The following DLG2 variants were observed in gnomAD, a reference collection of about 807,000 sequenced individuals.
DLG2 encodes the protein discs large MAGUK scaffold protein 2.
Under a neutral mutation model 132.5 loss-of-function variants are expected in DLG2, and 45 were observed. The observed-to-expected ratio is 0.34, with a 90% confidence interval of 0.27 to 0.44. DLG2 has a LOEUF of 0.44. DLG2 is among the 20% of genes least tolerant of loss of function. The pLI, the probability that DLG2 is intolerant of heterozygous loss-of-function variation, is 1.00. For missense variants in DLG2, 1,045 were observed against 1,196.9 expected, an observed-to-expected ratio of 0.87 and a Z score of 1.87; for synonymous variants, 424 against 419.6, an observed-to-expected ratio of 1.01 and a Z score of -0.13.
At chr11:83,905,455 T>C (rs1256081971) in intron 15 of DLG2, among the ~76,000 whole-genome samples, 1 of 152,160 alleles carries the variant, frequency 6.6e-6, no homozygotes, top group African/African-American at 2.4e-5. Flanking sequence ...TCACAATTTA[T>C]GTTAATTGTA....
At chr11:84,516,676 T>C (rs2099274195) in intron 7 of DLG2, among the ~76,000 whole-genome samples, 1 of 151,376 alleles carries the variant, frequency 6.6e-6, no homozygotes, top group Non-Finnish European at 1.5e-5. Flanking sequence ...TTCCAAAAAA[T>C]TGAAGAGGAG....
At chr11:83,603,489 C>T (rs2058877269) in intron 19 of DLG2, among the ~76,000 whole-genome samples, 1 of 152,018 alleles carries the variant, frequency 6.6e-6, no homozygotes, top group Non-Finnish European at 1.5e-5. Flanking sequence ...TCTTCTATCC[C>T]TGTATACAAA....
At chr11:85,031,947 CTT>C (rs11389028) in intron 6 of DLG2, among the ~76,000 whole-genome samples, 34 of 51,842 alleles carry the variant, frequency 6.6e-4, no homozygotes, top group African/African-American at 2.4e-3. Context: ...TGACAACTGG[CTT>C]TTTTTTTTTT....
At chr11:83,695,230 T>C (rs1458134466) in intron 18 of DLG2, among the ~76,000 whole-genome samples, 3 of 152,230 alleles carry the variant, frequency 2.0e-5, no homozygotes, top group Admixed American at 2.0e-4. Flanking sequence ...ATCTATTATA[T>C]GCCTGACCTA....
At chr11:83,641,200 T>C (rs1052670495) in intron 18 of DLG2, among the ~76,000 whole-genome samples, 2 of 152,166 alleles carry the variant, frequency 1.3e-5, no homozygotes, top group Admixed American at 1.3e-4. Flanking sequence ...GAGGGGAAGA[T>C]GTAAGTCTTA....
At chr11:84,080,398 T>C (rs17561231) in intron 10 of DLG2, among the ~76,000 whole-genome samples, 5,298 of 152,250 alleles carry the variant, frequency 0.035, 142 homozygotes, top group Non-Finnish European at 0.055. Context: ...TATTCTTTTC[T>C]AAGTCAGGTT....
intron 6 of DLG2, among the ~76,000 whole-genome samples, chr11:84,574,855 G>A (rs2099495356): frequency 6.6e-6 from 1 of 152,078 alleles, no homozygotes; most frequent in Admixed American, 6.6e-5. Flanking sequence ...AGAGACCTGG[G>A]CATTATCTGA....
intron 18 of DLG2, among the ~76,000 whole-genome samples, chr11:83,686,237 C>T (rs2079735750): frequency 6.6e-6 from 1 of 152,102 alleles, no homozygotes; most frequent in Non-Finnish European, 1.5e-5. Context: ...CCTTTCACTG[C>T]AGCCAGAATT....
intron 9 of DLG2, among the ~76,000 whole-genome samples, chr11:84,100,897 T>C (rs748567601): frequency 9.2e-5 from 14 of 152,148 alleles, no homozygotes; most frequent in East Asian, 3.8e-4. Context: ...GTTTTTACAA[T>C]TGTATATTTA....
chr11:84,878,759 C>A (rs2086818443), intron 6 of DLG2, among the ~76,000 whole-genome samples: 1 of 152,080 alleles, frequency 6.6e-6, no homozygotes, highest in Non-Finnish European at 1.5e-5. Context: ...GGAAACAGAT[C>A]TTCTCTAACA....
At chr11:84,831,464 T>A (rs2079048867) in intron 6 of DLG2, among the ~76,000 whole-genome samples, 1 of 151,362 alleles carries the variant, frequency 6.6e-6, no homozygotes, top group Non-Finnish European at 1.5e-5. Context: ...TAAAGGAGAG[T>A]ATAACAATTC....
intron 11 of DLG2, among the ~76,000 whole-genome samples, chr11:84,034,878 A>G (rs1199372050): frequency 1.3e-5 from 2 of 152,144 alleles, no homozygotes; most frequent in East Asian, 3.9e-4. Context: ...TTGCAGATTG[A>G]CCTTAAATGA....
chr11:85,039,493 G>T (rs577955999), intron 6 of DLG2, among the ~76,000 whole-genome samples: 4 of 151,754 alleles, frequency 2.6e-5, no homozygotes, highest in Non-Finnish European at 5.9e-5. Flanking sequence ...AGGTTACTTG[G>T]CATTTCTGAG....
At chr11:84,036,897 A>G (rs559800673) in intron 11 of DLG2, among the ~76,000 whole-genome samples, 17 of 152,244 alleles carry the variant, frequency 1.1e-4, no homozygotes, top group Admixed American at 4.6e-4. Flanking sequence ...TGTGTTGCCA[A>G]ACATTCAACT....
At chr11:84,706,323 T>C (rs563753182) in intron 6 of DLG2, among the ~76,000 whole-genome samples, 5 of 151,898 alleles carry the variant, frequency 3.3e-5, no homozygotes, top group South Asian at 4.1e-4. Context: ...AGAGAGTGCT[T>C]TGGGGGCTCT....
At chr11:83,975,409 T>A (rs1258611335) in intron 12 of DLG2, among the ~76,000 whole-genome samples, 3 of 152,010 alleles carry the variant, frequency 2.0e-5, no homozygotes, top group East Asian at 1.9e-4. Flanking sequence ...AGGAAATTTT[T>A]AAAAATATTA....
chr11:84,478,251 G>A (rs1175870029), intron 7 of DLG2, among the ~76,000 whole-genome samples: 3 of 152,116 alleles, frequency 2.0e-5, no homozygotes, highest in Non-Finnish European at 2.9e-5. Context: ...TTATATAAAT[G>A]AGATGATACT....
chr11:83,491,913 C>T (rs2138271117), intron 21 of DLG2, among the ~76,000 whole-genome samples: 1 of 152,124 alleles, frequency 6.6e-6, no homozygotes, highest in East Asian at 1.9e-4. Context: ...AATATCGTAA[C>T]ATCATCTACA....
At chr11:83,561,437 G>C (rs2096608276) in intron 19 of DLG2, among the ~76,000 whole-genome samples, 1 of 152,166 alleles carries the variant, frequency 6.6e-6, no homozygotes, top group South Asian at 2.1e-4. Context: ...TGGACCTTCA[G>C]ATCCTGGCAC....
Sources: gnomAD v4.1 joint callset for allele counts (sites outside exome capture counted in the v4.1 genomes callset) on GRCh38, gnomAD v4.1.1 for gene constraint, MANE v1.5 for transcripts, NCBI Gene and HGNC (gene_info 2026-07-23, HGNC 2026-07-21) for gene names.